METAP2: variants seen among roughly 807,000 people sequenced by gnomAD.
METAP2 encodes methionyl aminopeptidase 2.
In METAP2, 25 loss-of-function variants were observed where a neutral mutation model predicts 59.4. The observed-to-expected ratio is 0.42, with a 90% confidence interval of 0.31 to 0.59. The LOEUF (loss-of-function observed/expected upper bound fraction) is 0.59, where lower values mean the gene tolerates loss of function less well. Ranked by LOEUF, METAP2 falls within the 20% of genes least tolerant of loss-of-function variation. The probability of loss-of-function intolerance (pLI) is 0.16; values close to 1 mark genes in which losing one functional copy is unlikely to be tolerated. For missense variants in METAP2, 366 were observed against 581.2 expected, an observed-to-expected ratio of 0.63 and a Z score of 3.81; for synonymous variants, 214 against 194.1, an observed-to-expected ratio of 1.10 and a Z score of -0.85.
chr12:95,509,638 A>G (rs1454806884), intron 8 of METAP2, among the ~76,000 whole-genome samples: 4 of 152,150 alleles, frequency 2.6e-5, no homozygotes, highest in Non-Finnish European at 4.4e-5. Context: ...GGCTTTCCCT[A>G]GCTCTGTTTG....
chr12:95,511,700 G>T (rs2076404310), intron 8 of METAP2, among the ~76,000 whole-genome samples, 195 bp from the exon 9 acceptor site: 1 of 151,954 alleles, frequency 6.6e-6, no homozygotes, highest in South Asian at 2.1e-4. Flanking sequence ...CCTACTTCTA[G>T]TATTAATAAC....
Position 95,513,962 on chromosome 12 carries a change from T to TA in METAP2, c.*59dup. The TA allele has an allele frequency of 6.5e-7, 1 of 1,533,744 alleles. No homozygotes were observed. Among genetic ancestry groups the TA allele is most frequent in the Non-Finnish European group, 8.8e-7 (1 of 1,135,772 alleles). The stretch of plus-strand genomic sequence containing the variant: ...TTCTGAGCTTTGTTGGAAAACATGA[T>TA]ACCAGAATTAATTTGCCACATGTTG... On this transcript the variant is annotated 3_prime_UTR_variant, in exon 11 of 11. Coordinates refer to ENST00000323666, the MANE Select transcript of METAP2 (RefSeq NM_006838.4).
At chr12:95,484,944 A>G in intron 3 of METAP2, 1 of 446,848 alleles carries the variant, frequency 2.2e-6, no homozygotes, top group Non-Finnish European at 4.5e-6. Context: ...TTTATTTTTT[A>G]TATCCTGGTA....
At chr12:95,503,116 G>A (rs1325522249) in intron 7 of METAP2, among the ~76,000 whole-genome samples, 1 of 151,790 alleles carries the variant, frequency 6.6e-6, no homozygotes, top group African/African-American at 2.4e-5. Flanking sequence ...TTATTTCCTT[G>A]TATGCCTTGT....
intron 8 of METAP2, among the ~76,000 whole-genome samples, chr12:95,508,154 A>G (rs987255463): frequency 1.1e-4 from 16 of 152,142 alleles, no homozygotes; most frequent in African/African-American, 3.6e-4. Flanking sequence ...ACATTAAGAC[A>G]TGATTTAAAT....
intron 2 of METAP2, among the ~76,000 whole-genome samples, chr12:95,478,458 C>G (rs2076136225): frequency 6.6e-6 from 1 of 151,984 alleles, no homozygotes; most frequent in Non-Finnish European, 1.5e-5. Flanking sequence ...TGGTGAAACC[C>G]CATCTCTACT....
chr12:95,500,047 C>T (rs2076303971), intron 7 of METAP2, among the ~76,000 whole-genome samples: 1 of 152,170 alleles, frequency 6.6e-6, no homozygotes. Context: ...CAAACCGTAT[C>T]AGATGTGTTT....
intron 2 of METAP2, among the ~76,000 whole-genome samples, chr12:95,479,330 A>AGG: frequency 6.6e-6 from 1 of 152,318 alleles, no homozygotes; most frequent in East Asian, 1.9e-4. Context: ...AGCAGGAGTA[A>AGG]GGCATTAGTG....
intron 3 of METAP2, among the ~76,000 whole-genome samples, chr12:95,484,153 G>A (rs1001182692): frequency 1.3e-5 from 2 of 152,016 alleles, no homozygotes; most frequent in Non-Finnish European, 2.9e-5. Flanking sequence ...GTCTGGTTAT[G>A]CCTTCCTTTA....
chr12:95,498,002 G>A (rs1325091190), intron 7 of METAP2, among the ~76,000 whole-genome samples: 13 of 151,640 alleles, frequency 8.6e-5, no homozygotes, highest in Non-Finnish European at 1.8e-4. Flanking sequence ...GTGTGGTGGC[G>A]GGCGCCTGTG....
intron 3 of METAP2, chr12:95,484,744 G>T (rs1056808955): frequency 3.5e-5 from 14 of 399,984 alleles, no homozygotes; most frequent in Non-Finnish European, 5.3e-5. Flanking sequence ...AAGGATAATT[G>T]TGTTTTTTTC....
intron 7 of METAP2, 53 bp from the exon 8 acceptor site, chr12:95,504,012 G>A: frequency 7.7e-7 from 1 of 1,303,632 alleles, no homozygotes; most frequent in Non-Finnish European, 1.1e-6. Context: ...AAATTAAGTT[G>A]CTATGAAAAT....
At chr12:95,504,189 T>C (rs762118325) in intron 8 of METAP2, 28 bp downstream of exon 8, 1 of 1,428,336 alleles carries the variant, frequency 7.0e-7, no homozygotes, top group Non-Finnish European at 9.8e-7. Flanking sequence ...ATATCTTATT[T>C]TGAAATTGAT....
At chr12:95,510,981 C>G (rs2076397555) in intron 8 of METAP2, among the ~76,000 whole-genome samples, 1 of 152,046 alleles carries the variant, frequency 6.6e-6, no homozygotes, top group South Asian at 2.1e-4. Context: ...ACGTTTTATT[C>G]CAGTTGTTAA....
At chr12:95,493,054 G>A (rs1201439804) in intron 4 of METAP2, among the ~76,000 whole-genome samples, 1 of 152,096 alleles carries the variant, frequency 6.6e-6, no homozygotes, top group East Asian at 1.9e-4. Flanking sequence ...TGGTCACTAA[G>A]TTGCAAACTG....
chr12:95,495,244 TTCC>T, intron 6 of METAP2, 106 bp downstream of exon 6: 4 of 939,840 alleles, frequency 4.3e-6, no homozygotes, highest in Non-Finnish European at 6.2e-6. Flanking sequence ...TTGTTCTTGC[TTCC>T]TCATTTCATT....
intron 4 of METAP2, among the ~76,000 whole-genome samples, chr12:95,488,477 A>C (rs1393686989): frequency 9.2e-5 from 13 of 141,186 alleles, no homozygotes; most frequent in Admixed American, 8.1e-4. Context: ...CCACTGCACT[A>C]CACCCTGGGT....
intron 1 of METAP2, among the ~76,000 whole-genome samples, 153 bp from the exon 2 acceptor site, chr12:95,475,918 T>G (rs1332968003): frequency 6.6e-6 from 1 of 152,242 alleles, no homozygotes; most frequent in African/African-American, 2.4e-5. Flanking sequence ...GGAAGATTTT[T>G]CTGTCATTAA....
At chr12:95,485,025 C>T (rs540451064) in intron 3 of METAP2, among the ~76,000 whole-genome samples, 1 of 152,290 alleles carries the variant, frequency 6.6e-6, no homozygotes, top group South Asian at 2.1e-4. Flanking sequence ...TCATTTTCCT[C>T]ATCTATACAG....
Sources: allele counts gnomAD v4.1 joint callset (sites outside exome capture counted in the v4.1 genomes callset), GRCh38; gene constraint gnomAD v4.1.1; transcripts MANE v1.5; gene names NCBI Gene and HGNC (gene_info 2026-07-23, HGNC 2026-07-21).